The following NANOGNB variants were observed in gnomAD, a reference collection of about 807,000 sequenced individuals.
NANOGNB encodes the protein homeobox C14.
In NANOGNB, 30 loss-of-function variants were observed where a neutral mutation model predicts 25.0. That is an observed-to-expected ratio of 1.20 (90% confidence interval 0.90 to 1.63). The LOEUF is 1.63. Ranked by LOEUF, NANOGNB falls within the 40% of genes most tolerant of loss-of-function variation. NANOGNB has a pLI of 0.00. For missense variants in NANOGNB, 200 were observed against 188.1 expected (o/e 1.06, Z -0.37); for synonymous variants, 84 against 62.1 (o/e 1.35, Z -1.66).
At chr12:7,767,381 GTTTT>G (rs63721661) in intron 1 of NANOGNB, among the ~76,000 whole-genome samples, 2 of 140,266 alleles carry the variant, frequency 1.4e-5, no homozygotes, top group African/African-American at 5.2e-5. Flanking sequence ...TTACAAGAGG[GTTTT>G]TTTTTTTTTT....
chr12:7,770,322 C>A lies in NANOGNB; in HGVS notation c.435+7C>A. The A allele has an allele frequency of 3.9e-6, 6 of 1,527,028 alleles. No individual in the cohort carries two copies. Among genetic ancestry groups the A allele is most frequent in the Non-Finnish European group, 5.3e-6 (6 of 1,138,424 alleles). The allele number at this position is 1,527,028 out of a possible 1,614,324, so 94.6% of individuals were successfully genotyped here. On this transcript the variant is annotated splice_region_variant and intron_variant, in intron 2 of 3. Coordinates refer to ENST00000382119, the MANE Select transcript of NANOGNB (RefSeq NM_001145465.1). The stretch of plus-strand genomic sequence containing the variant: ...TGACATGACACATAAACAGGTATGA[C>A]AACATTAATAGACATTTCTTCATTG...
intron 1 of NANOGNB, among the ~76,000 whole-genome samples, chr12:7,765,728 C>G (rs1314992087): frequency 1.3e-5 from 2 of 151,974 alleles, no homozygotes; most frequent in Non-Finnish European, 1.5e-5. Flanking sequence ...ATGGAGTTGG[C>G]TTTACTAAGA....
chr12:7,768,909 G>A (rs1384164234), intron 1 of NANOGNB, among the ~76,000 whole-genome samples: 1 of 151,608 alleles, frequency 6.6e-6, no homozygotes, highest in African/African-American at 2.4e-5. Context: ...TGGGATTATA[G>A]GCATGAGCCA....
In NANOGNB at chr12:7,773,546, C is replaced by CAA. The variant is rs869038102; in HGVS notation, c.516-222_516-221dup. ...TGAAACTCCATCTCTACTAAAAATACAAAAAAAAAAAAAAAAAAAAAAAAA... is the reference window on the plus strand; with the variant it reads ...TGAAACTCCATCTCTACTAAAAATACAAAAAAAAAAAAAAAAAAAAAAAAAAA... On this transcript the variant is annotated intron_variant, in intron 3 of 3. Transcript: ENST00000382119. 9.1e-3 allele frequency among the ~76,000 whole-genome samples: 141 copies of CAA among 15,440 alleles called. 25 individuals carry two copies. The highest frequency in any genetic ancestry group is 0.022 in the African/African-American group (60 of 2,714). 10.1% of individuals were successfully genotyped at this position (15,440 alleles called of 152,430 possible).
intron 3 of NANOGNB, among the ~76,000 whole-genome samples, chr12:7,772,739 A>G (rs1006478302): frequency 4.0e-5 from 6 of 151,834 alleles, no homozygotes; most frequent in African/African-American, 1.5e-4. Context: ...GTGTACCACC[A>G]CACCCAGCTA....
At chr12:7,766,277 C>G in intron 1 of NANOGNB, 1 of 396,432 alleles carries the variant, frequency 2.5e-6, no homozygotes, top group Non-Finnish European at 4.4e-6. Flanking sequence ...TGAAGACCAT[C>G]CTGGCCAAGA....
Position 7,768,731 on chromosome 12 carries a change from A to G in NANOGNB, c.103-1252A>G, listed in dbSNP as rs551232953. 2.0e-5 allele frequency among the ~76,000 whole-genome samples: 3 copies of G among 152,040 alleles called. No individual in the cohort carries two copies. The South Asian group carries it at 6.2e-4, about 32-fold the overall frequency. Reference sequence around the variant, plus strand: ...GTATTTTTAGTAGAGACCGGGTTTCACTGTGTTAGCCAGGATGGTCTCAAT... The same window carrying G: ...GTATTTTTAGTAGAGACCGGGTTTCGCTGTGTTAGCCAGGATGGTCTCAAT... On this transcript the variant is annotated intron_variant, in intron 1 of 3. Transcript: ENST00000382119.
At chr12:7,772,559 G>A (rs1862589421) in intron 3 of NANOGNB, among the ~76,000 whole-genome samples, 2 of 145,470 alleles carry the variant, frequency 1.4e-5, no homozygotes, top group Non-Finnish European at 1.5e-5. Flanking sequence ...TTACAGGCGT[G>A]AGCCACCGCA....
intron 3 of NANOGNB, 60 bp downstream of exon 3, chr12:7,770,578 T>G: frequency 9.0e-7 from 1 of 1,112,056 alleles, no homozygotes; most frequent in African/African-American, 1.6e-5. Flanking sequence ...ACTTCCGGAG[T>G]TGGTTTGTGT....
chr12:7,770,490 A>C lies in NANOGNB; in HGVS notation c.487A>C (p.Lys163Gln), dbSNP rs1251265431. 6.6e-7 allele frequency: 1 copy of C among 1,518,850 alleles called. No homozygotes were observed. Among genetic ancestry groups the C allele is most frequent in the Admixed American group, 2.0e-5 (1 of 49,606 alleles). The allele number at this position is 1,518,850 out of a possible 1,614,324, so 94.1% of individuals were successfully genotyped here. A position where few individuals can be genotyped will look rare whatever the true frequency, so the allele number is the denominator to read the frequency against. Residue 163 changes from lysine to glutamine, a missense_variant, in exon 3 of 4, where the codon AAG becomes CAG. Physicochemically the swap from Lys to Gln is moderately conservative, Grantham distance 53. Coordinates refer to ENST00000382119, the MANE Select transcript of NANOGNB (RefSeq NM_001145465.1). ...GAAGAAATATAATAAAGAAATGTCCAAGAGAAAGCATAAGAAAAAACATAT... is the reference window on the plus strand; with the variant it reads ...GAAGAAATATAATAAAGAAATGTCCCAGAGAAAGCATAAGAAAAAACATAT... Reference protein sequence around the residue: ...TRKKYNKEMSKRKHKKKHMRW... With the variant: ...TRKKYNKEMSQRKHKKKHMRW...
At chr12:7,765,444 C>T in intron 1 of NANOGNB, 57 bp downstream of exon 1, 1 of 344,054 alleles carries the variant, frequency 2.9e-6, no homozygotes, top group Non-Finnish European at 5.6e-6. Context: ...GTGGCGGGCG[C>T]CTGTAGTCCT....
Position 7,773,773 on chromosome 12 carries a change from C to T in NANOGNB, c.516-27C>T, listed in dbSNP as rs866891537. The T allele has an allele frequency of 4.7e-4, 243 of 518,892 alleles. 2 individuals are homozygous for T. The highest frequency in any genetic ancestry group is 1.9e-3 in the Middle Eastern group (4 of 2,078). The allele number at this position is 518,892 out of a possible 1,614,324, so 32.1% of individuals were successfully genotyped here. A position where few individuals can be genotyped will look rare whatever the true frequency, so the allele number is the denominator to read the frequency against. ...AATATATAGACTGTGTTGCGAAACT[C>T]TTTTTTTTTTTTTTTTTTTTAAACA... On this transcript the variant is annotated intron_variant, in intron 3 of 3. Transcript: ENST00000382119.
chr12:7,768,217 TC>T (rs1865262286), intron 1 of NANOGNB, among the ~76,000 whole-genome samples: 1 of 152,170 alleles, frequency 6.6e-6, no homozygotes. Context: ...TTTCCTTTAT[TC>T]TATTCATATG....
chr12:7,770,653 C>T, intron 3 of NANOGNB, 135 bp downstream of exon 3: 1 of 580,862 alleles, frequency 1.7e-6, no homozygotes, highest in Non-Finnish European at 3.0e-6. Flanking sequence ...GCTCTTGTTA[C>T]CCAGGCTGGA....
intron 1 of NANOGNB, among the ~76,000 whole-genome samples, chr12:7,768,747 T>A (rs1194625369): frequency 2.0e-5 from 3 of 152,082 alleles, no homozygotes; most frequent in African/African-American, 7.2e-5. Flanking sequence ...TTAGCCAGGA[T>A]GGTCTCAATC....
At chr12:7,767,545 G>A (rs1303184988) in intron 1 of NANOGNB, among the ~76,000 whole-genome samples, 3 of 151,934 alleles carry the variant, frequency 2.0e-5, no homozygotes, top group African/African-American at 4.8e-5. Context: ...ACCCACTGCC[G>A]TCTCTTAAAA....
At position 7,774,084 on chromosome 12, in the gene NANOGNB, T is replaced by G. The variant is rs895065338; in HGVS notation, c.*233T>G. 1.2e-5 allele frequency: 4 copies of G among 347,388 alleles called. No individual in the cohort carries two copies. In the Admixed American group the frequency reaches 1.9e-4, roughly 16 times the overall value. The allele number at this position is 347,388 out of a possible 1,614,324, so 21.5% of individuals were successfully genotyped here. On this transcript the variant is annotated 3_prime_UTR_variant, in exon 4 of 4. Coordinates refer to ENST00000382119, the MANE Select transcript of NANOGNB (RefSeq NM_001145465.1). ...AGATTTAAAGTTTTTATAATGGATG[T>G]TAATTGATTTTATTTAAGAAAAAAA...
chr12:7,773,715 A>T lies in NANOGNB; in HGVS notation c.516-85A>T, dbSNP rs1862609818. On this transcript the variant is annotated intron_variant, in intron 3 of 3. Transcript: ENST00000382119. Reference sequence around the variant, plus strand: ...ACTCCAGCTTGGGTGACAAGAGTGAAACTCCATCTCAAAAAAAAATTTAAA... The same window carrying T: ...ACTCCAGCTTGGGTGACAAGAGTGATACTCCATCTCAAAAAAAAATTTAAA... The T allele has an allele frequency of 7.5e-6, 4 of 532,996 alleles. 1 individual carries two copies. The highest frequency in any genetic ancestry group is 3.6e-5 in the Admixed American group (1 of 28,010). The allele number at this position is 532,996 out of a possible 1,614,324, so 33.0% of individuals were successfully genotyped here. A position where few individuals can be genotyped will look rare whatever the true frequency, so the allele number is the denominator to read the frequency against.
At chr12:7,768,087 A>G (rs1031087892) in intron 1 of NANOGNB, among the ~76,000 whole-genome samples, 2 of 152,166 alleles carry the variant, frequency 1.3e-5, no homozygotes, top group African/African-American at 2.4e-5. Context: ...TGGCTAAATA[A>G]TAGTCTATTG....
Sources: gnomAD v4.1 joint callset for allele counts (sites outside exome capture counted in the v4.1 genomes callset) on GRCh38, gnomAD v4.1.1 for gene constraint, MANE v1.5 for transcripts, NCBI Gene and HGNC (gene_info 2026-07-23, HGNC 2026-07-21) for gene names.